Variants in LARGE1 observed in about 807,000 individuals in gnomAD.
LARGE1 encodes LARGE xylosyl- and glucuronyltransferase 1.
Under a neutral mutation model 87.6 loss-of-function variants are expected in LARGE1, and 43 were observed. That is an observed-to-expected ratio of 0.49 (90% CI 0.38 to 0.63). The LOEUF (loss-of-function observed/expected upper bound fraction) is 0.63. Among genes scored for constraint, LARGE1 ranks in the 30% least tolerant of loss-of-function variants. LARGE1 has a pLI of 0.00. For missense variants in LARGE1, 802 were observed against 1,000.2 expected (o/e 0.80, Z 2.67); for synonymous variants, 434 against 394.6 (o/e 1.10, Z -1.18).
At chr22:33,736,522 TC>T (rs1261230758) in intron 2 of LARGE1, among the ~76,000 whole-genome samples, 4 of 152,276 alleles carry the variant, frequency 2.6e-5, no homozygotes, top group African/African-American at 9.6e-5. Flanking sequence ...GAGTTATTCA[TC>T]TATTCTGTAC....
intron 1 of LARGE1, among the ~76,000 whole-genome samples, chr22:33,811,064 C>T (rs143493599): frequency 3.9e-4 from 59 of 152,184 alleles, no homozygotes; most frequent in African/African-American, 1.3e-3. Flanking sequence ...ATGATTAATG[C>T]GTGAGTGGAA....
chr22:33,530,040 C>T (rs1012630681), intron 6 of LARGE1, among the ~76,000 whole-genome samples: 1 of 152,160 alleles, frequency 6.6e-6, no homozygotes, highest in Admixed American at 6.5e-5. Context: ...GCGATAGGGT[C>T]TAGGGTTCAG....
At chr22:33,283,735 C>T (rs1345206338) in intron 12 of LARGE1, among the ~76,000 whole-genome samples, 1 of 149,180 alleles carries the variant, frequency 6.7e-6, no homozygotes, top group Admixed American at 6.7e-5. Flanking sequence ...TGAGATTACG[C>T]CATTGCACTC....
chr22:33,859,718 G>A (rs2063857561), intron 1 of LARGE1, among the ~76,000 whole-genome samples: 1 of 152,182 alleles, frequency 6.6e-6, no homozygotes, highest in Non-Finnish European at 1.5e-5. Context: ...AACCCATTAT[G>A]ACATGTATGG....
chr22:33,068,783 C>T, the LARGE1 span, among the ~76,000 whole-genome samples: 2 of 152,186 alleles, frequency 1.3e-5, no homozygotes, highest in Admixed American at 6.5e-5. Flanking sequence ...TCTCCATCAC[C>T]GTGTTGCCAG....
In LARGE1 at chr22:33,735,948, T is replaced by C. The variant is rs2083640426; in HGVS notation, c.106+25423A>G. Among the ~76,000 whole-genome samples, 4 of 152,384 alleles carry C rather than the reference T, an allele frequency of 2.6e-5. No homozygotes were observed. The South Asian group carries it at 6.2e-4, about 24-fold the overall frequency. On this transcript the variant is annotated intron_variant, in intron 2 of 14. Coordinates refer to ENST00000397394, the MANE Select transcript of LARGE1 (RefSeq NM_133642.5). Reference sequence around the variant, plus strand: ...GTAGCGTGTTTTCAAATTTCACCCATGTTATAGCATGTATCAGTACTTCAT... The same window carrying C: ...GTAGCGTGTTTTCAAATTTCACCCACGTTATAGCATGTATCAGTACTTCAT...
At chr22:33,524,240 G>A (rs907854573) in intron 6 of LARGE1, among the ~76,000 whole-genome samples, 1 of 149,316 alleles carries the variant, frequency 6.7e-6, no homozygotes, top group African/African-American at 2.5e-5. Flanking sequence ...GCAGTGAGCT[G>A]AGATTGCGCC....
chr22:33,485,208 C>T (rs369702815), intron 6 of LARGE1, among the ~76,000 whole-genome samples: 12 of 145,346 alleles, frequency 8.3e-5, no homozygotes, highest in Admixed American at 4.8e-4. Context: ...CCACCGCGTC[C>T]GGTCTGAGTC....
intron 11 of LARGE1, among the ~76,000 whole-genome samples, chr22:33,183,305 A>G (rs1923270998): frequency 1.3e-5 from 2 of 152,172 alleles, no homozygotes; most frequent in African/African-American, 4.8e-5. Flanking sequence ...TAAGATGGCT[A>G]TTATCAACAA....
chr22:33,678,854 T>C (rs369183428), intron 2 of LARGE1, among the ~76,000 whole-genome samples: 51 of 152,322 alleles, frequency 3.3e-4, no homozygotes, highest in African/African-American at 1.2e-3. Context: ...CGAAGTACAT[T>C]GCCCATCCAC....
chr22:33,269,960 G>A (rs111896568), downstream of LARGE1, among the ~76,000 whole-genome samples: 4,906 of 150,148 alleles, frequency 0.033, 269 homozygotes, highest in African/African-American at 0.11. Context: ...AGCCGAGATC[G>A]CGCCACTACA....
intron 1 of LARGE1, among the ~76,000 whole-genome samples, chr22:33,785,086 TGTGTATATAC>T (rs2085572909): frequency 1.2e-5 from 1 of 82,050 alleles, no homozygotes; most frequent in Non-Finnish European, 2.6e-5. Context: ...TACATACATA[TGTGTATATAC>T]ATGTGTATAC....
chr22:33,105,550 G>A, the LARGE1 span: 1 of 152,066 alleles, frequency 6.6e-6, no homozygotes. Flanking sequence ...GAGAACTGGA[G>A]GGCCCCAGGC....
chr22:33,456,057 C>G (rs905235496), intron 6 of LARGE1, among the ~76,000 whole-genome samples: 17 of 152,198 alleles, frequency 1.1e-4, no homozygotes, highest in Non-Finnish European at 2.5e-4. Flanking sequence ...TATGCTAAGG[C>G]CAGCTTTGTA....
chr22:33,855,868 A>C (rs1418964369), intron 1 of LARGE1, among the ~76,000 whole-genome samples: 1 of 152,190 alleles, frequency 6.6e-6, no homozygotes. Flanking sequence ...CAGCAAAACC[A>C]TGAAGGACTA....
chr22:33,295,119 G>A (rs951126268), intron 12 of LARGE1, among the ~76,000 whole-genome samples: 8 of 152,158 alleles, frequency 5.3e-5, no homozygotes, highest in Non-Finnish European at 1.0e-4. Context: ...CTTTACAGAC[G>A]GTCATGCACT....
chr22:33,917,543 C>G (rs868057581), intron 1 of LARGE1, among the ~76,000 whole-genome samples: 1 of 152,104 alleles, frequency 6.6e-6, no homozygotes, highest in East Asian at 1.9e-4. Context: ...CATTTTGAAG[C>G]CATGTGATTT....
chr22:33,261,341 C>T (rs1040480752), intron 11 of LARGE1, among the ~76,000 whole-genome samples: 2 of 152,148 alleles, frequency 1.3e-5, no homozygotes, highest in Non-Finnish European at 2.9e-5. Context: ...TTCCAGAGAG[C>T]AATGAGAATG....
At chr22:33,280,457 A>G (rs959519914) in intron 13 of LARGE1, among the ~76,000 whole-genome samples, 2 of 152,108 alleles carry the variant, frequency 1.3e-5, no homozygotes, top group Admixed American at 6.6e-5. Flanking sequence ...CACCTTTAGA[A>G]TCTAAACTCT....
Sources: allele counts gnomAD v4.1 joint callset (sites outside exome capture counted in the v4.1 genomes callset), GRCh38; gene constraint gnomAD v4.1.1; transcripts MANE v1.5; gene names NCBI Gene and HGNC (gene_info 2026-07-23, HGNC 2026-07-21).